Variants in GJA4 observed in about 807,000 individuals in gnomAD.
The protein encoded by GJA4 is gap junction protein alpha 4.
GJA4 carries 13 observed loss-of-function variants against 25.1 expected under a neutral mutation model. The ratio of observed to expected loss-of-function variants is 0.52; its 90% CI spans 0.34 to 0.82. The LOEUF (loss-of-function observed/expected upper bound fraction) is 0.82. Among genes scored for constraint, GJA4 ranks in the 40% least tolerant of loss-of-function variants. The probability of loss-of-function intolerance (pLI) is 0.02; values close to 1 mark genes in which losing one functional copy is unlikely to be tolerated. For synonymous variants in GJA4, 167 were observed against 193.9 expected (o/e 0.86, Z 1.15); for missense variants, 357 against 443.5 (o/e 0.80, Z 1.75).
In GJA4 at chr1:34,794,173, C is replaced by G. The variant is rs760644912; in HGVS notation, c.-17-24C>G. ...ACGAGAAGGATGCCATGCTGACACACTGACGTGCTCTGTCTCCTTGCAGAC... is the reference window on the plus strand; with the variant it reads ...ACGAGAAGGATGCCATGCTGACACAGTGACGTGCTCTGTCTCCTTGCAGAC... On this transcript the variant is annotated intron_variant, in intron 1 of 1. Coordinates refer to ENST00000342280, the MANE Select transcript of GJA4 (RefSeq NM_002060.3). This position sits in a 1 kb window ranked among gnomAD's most constrained non-coding sequence, Gnocchi z 7.8. 1.9e-6 allele frequency: 3 copies of G among 1,584,406 alleles called. No individual in the cohort carries two copies. The African/African-American group carries it at 4.0e-5, about 21-fold the overall frequency.
intron 1 of GJA4, among the ~76,000 whole-genome samples, chr1:34,793,936 G>A (rs1432001164): frequency 6.6e-6 from 1 of 152,196 alleles, no homozygotes; most frequent in African/African-American, 2.4e-5. Context: ...GGGGACAAGA[G>A]GGACATAGAT....
At chr1:34,793,818 C>A (rs1640227028) in intron 1 of GJA4, among the ~76,000 whole-genome samples, 1 of 152,160 alleles carries the variant, frequency 6.6e-6, no homozygotes. Context: ...AGGGCTTAGC[C>A]CAGCTGCACA....
In GJA4 at chr1:34,795,190, C is replaced by T. The variant is rs1487139476; in HGVS notation, c.977C>T (p.Ser326Phe). The T allele has an allele frequency of 2.5e-6, 4 of 1,611,916 alleles. No homozygotes were observed. Among genetic ancestry groups the T allele is most frequent in the Middle Eastern group, 3.3e-4 (2 of 6,072 alleles). Residue 326 changes from serine to phenylalanine, a missense_variant, in exon 2 of 2, where the codon TCT (serine) becomes TTT (phenylalanine). Physicochemically the swap from Ser to Phe is radical, Grantham distance 155 (BLOSUM62 -2). This residue lies in a region of GJA4 where 278 missense variants were observed against 298.1 expected (regional missense o/e 0.93). Transcript: ENST00000342280. Reference protein sequence around the residue: ...GQKPPSRPSSSASKKQYV With the variant: ...GQKPPSRPSSFASKKQYV ...AAACCCCCAAGTCGTCCCAGCAGCTCTGCTTCTAAGAAGCAGTATGTATAG... is the reference window on the plus strand; with the variant it reads ...AAACCCCCAAGTCGTCCCAGCAGCTTTGCTTCTAAGAAGCAGTATGTATAG...
intron 1 of GJA4, among the ~76,000 whole-genome samples, chr1:34,793,296 C>A (rs1640215005): frequency 6.6e-6 from 1 of 152,252 alleles, no homozygotes; most frequent in Non-Finnish European, 1.5e-5. Context: ...GTGGAGGAGA[C>A]TGAGGGGCCC....
rs764570800 is a variant in GJA4 at position 34,795,082 on chromosome 1, A to T, written c.869A>T (p.Asn290Ile). The T allele has an allele frequency of 1.9e-6, 3 of 1,613,822 alleles. No homozygotes were observed. The highest frequency in any genetic ancestry group is 2.5e-6 in the Non-Finnish European group (3 of 1,179,940). Residue 290 changes from asparagine (N) to isoleucine (I), a missense_variant, in exon 2 of 2, where the codon AAC (asparagine) becomes ATC (isoleucine). Physicochemically the swap from Asn to Ile is moderately radical, Grantham distance 149 (BLOSUM62 -3). This residue lies in a region of GJA4 where 278 missense variants were observed against 298.1 expected (regional missense o/e 0.93). Transcript: ENST00000342280. The part of the protein sequence containing the change: ...TYNGLSSSEQ[N>I]WANLTTEERL... ...AATGGGCTCTCATCCAGTGAGCAGAACTGGGCCAACCTGACCACAGAGGAG... is the reference window on the plus strand; with the variant it reads ...AATGGGCTCTCATCCAGTGAGCAGATCTGGGCCAACCTGACCACAGAGGAG...
rs1375058167 is a variant in GJA4, at chr1:34,794,491, T to A, written c.278T>A (p.Leu93Gln). ...GTCAGCACACCCACCCTGGTCTACCTGGGCCATGTCATTTACCTGTCTCGG... is the reference window on the plus strand; with the variant it reads ...GTCAGCACACCCACCCTGGTCTACCAGGGCCATGTCATTTACCTGTCTCGG... ...LFVSTPTLVYLGHVIYLSRRE... is the reference protein window; with the variant it reads ...LFVSTPTLVYQGHVIYLSRRE... The change falls in exon 2 of 2, where the codon CTG becomes CAG. Residue 93 changes from leucine to glutamine, a missense_variant. Leu to Gln is a moderately radical substitution (Grantham distance 113). Transcript: ENST00000342280. The surrounding 1 kb of genome is among the most constrained non-coding windows in gnomAD (Gnocchi z 7.8). 1 of 1,614,174 alleles carries A rather than the reference T, an allele frequency of 6.2e-7. No homozygotes were observed. The highest frequency in any genetic ancestry group is 1.1e-5 in the South Asian group (1 of 91,078).
Position 34,794,850 on chromosome 1 carries a change from A to ATCTTCG in GJA4, c.638_639insCTTCGT (p.Met213delinsIlePheVal). ...GGAGAAGACCATCTTCATCATCTTC[A>ATCTTCG]TGTTGGTGGTTGGACTCATCTCCCT... On this transcript the variant is annotated protein_altering_variant, in exon 2 of 2. Transcript: ENST00000342280. This position sits in a 1 kb window ranked among gnomAD's most constrained non-coding sequence, Gnocchi z 7.8. 1 of 1,613,902 alleles carries ATCTTCG rather than the reference A, an allele frequency of 6.2e-7. No individual in the cohort carries two copies. The highest frequency in any genetic ancestry group is 8.5e-7 in the Non-Finnish European group (1 of 1,179,968).
rs756684982 is a variant in GJA4, at chr1:34,794,940, C to G, written c.727C>G (p.Arg243Gly). 1.1e-5 allele frequency: 17 copies of G among 1,614,014 alleles called. No homozygotes were observed. The African/African-American group carries it at 2.1e-4, about 20-fold the overall frequency. The part of the protein sequence containing the change: ...CRCLSRGMRA[R>G]QGQDAPPTQG... ...CTGCCTCAGCCGGGGGATGAGGGCACGGCAAGGCCAAGACGCACCCCCGAC... is the reference window on the plus strand; with the variant it reads ...CTGCCTCAGCCGGGGGATGAGGGCAGGGCAAGGCCAAGACGCACCCCCGAC... The change falls in exon 2 of 2, where the codon CGG (arginine) becomes GGG (glycine). Residue 243 changes from arginine to glycine, a missense_variant. By Grantham distance (125) the Arg-to-Gly change is moderately radical. This residue lies in a region of GJA4 where 278 missense variants were observed against 298.1 expected (regional missense o/e 0.93). Transcript: ENST00000342280. This position sits in a 1 kb window ranked among gnomAD's most constrained non-coding sequence, Gnocchi z 7.8.
At position 34,794,006 on chromosome 1, in the gene GJA4, C is replaced by A; in HGVS notation, c.-17-191C>A. 1.7e-6 allele frequency: 1 copy of A among 595,874 alleles called. No individual in the cohort carries two copies. The highest frequency in any genetic ancestry group is 3.0e-6 in the Non-Finnish European group (1 of 335,358). The allele number at this position is 595,874 out of a possible 1,614,324, so 36.9% of individuals were successfully genotyped here. On this transcript the variant is annotated intron_variant, in intron 1 of 1. Transcript: ENST00000342280. The surrounding 1 kb of genome is among the most constrained non-coding windows in gnomAD (Gnocchi z 7.8). ...TGAGACCATACAAAGAGGTGGGCAGCCATCATCCAAAAATCTGGGTTGGGT... is the reference window on the plus strand; with the variant it reads ...TGAGACCATACAAAGAGGTGGGCAGACATCATCCAAAAATCTGGGTTGGGT...
rs1430379275 is a variant in GJA4 at position 34,794,681 on chromosome 1, C to T, written c.468C>T (p.Val156=). The change falls in exon 2 of 2, where the codon GTC becomes GTT. Residue 156 remains valine, a synonymous_variant. Coordinates refer to ENST00000342280, the MANE Select transcript of GJA4 (RefSeq NM_002060.3). This position sits in a 1 kb window ranked among gnomAD's most constrained non-coding sequence, Gnocchi z 7.8. ...RIRGALMGTY[V]ASVLCKSVLE... ...GCGGAGCACTGATGGGCACCTATGT[C>T]GCCAGTGTGCTCTGCAAGAGTGTGC... 4 of 1,611,500 alleles carry T rather than the reference C, an allele frequency of 2.5e-6. No individual in the cohort carries two copies. The highest frequency in any genetic ancestry group is 1.1e-5 in the South Asian group (1 of 91,088).
rs367766564 is a variant in GJA4 at position 34,794,992 on chromosome 1, C to T, written c.779C>T (p.Thr260Met). The change falls in exon 2 of 2, where the codon ACG becomes ATG. Residue 260 changes from threonine (T) to methionine (M), a missense_variant. By Grantham distance (81) the Thr-to-Met change is moderately conservative. This residue lies in a region of GJA4 where 278 missense variants were observed against 298.1 expected (regional missense o/e 0.93). Transcript: ENST00000342280. This position sits in a 1 kb window ranked among gnomAD's most constrained non-coding sequence, Gnocchi z 7.8. ...CAGGGCACCTCCTCAGACCCTTACA[C>T]GGACCAGGTCTTCTTCTACCTCCCC... ...PTQGTSSDPY[T>M]DQVFFYLPVG... 171 of 1,613,804 alleles carry T rather than the reference C, an allele frequency of 1.1e-4. No homozygotes were observed. The highest frequency in any genetic ancestry group is 8.5e-4 in the South Asian group (77 of 91,048).
chr1:34,793,140 C>T (rs542647448), intron 1 of GJA4, 72 bp downstream of exon 1: 10 of 250,502 alleles, frequency 4.0e-5, no homozygotes, highest in Non-Finnish European at 7.1e-5. Context: ...CTTGGGTCCT[C>T]CGATGCCGGG....
rs780799977 is a variant in GJA4 at position 34,795,210 on chromosome 1, G to A, written c.997G>A (p.Val333Ile). ...PSSSASKKQY[V>I] Reference sequence around the variant, plus strand: ...CAGCTCTGCTTCTAAGAAGCAGTATGTATAGAGGCCTGTGGCTTATGTCAC... The same window carrying A: ...CAGCTCTGCTTCTAAGAAGCAGTATATATAGAGGCCTGTGGCTTATGTCAC... Residue 333 changes from valine to isoleucine, a missense_variant, in exon 2 of 2, where the codon GTA becomes ATA. Around this residue, in one of 2 missense-constraint regions of GJA4, gnomAD observed 278 missense variants for 298.1 expected, o/e 0.93. Transcript: ENST00000342280. 3 of 1,602,170 alleles carry A rather than the reference G, an allele frequency of 1.9e-6. No homozygotes were observed. The East Asian group carries it at 6.7e-5, about 36-fold the overall frequency.
In GJA4 at chr1:34,794,813, C is replaced by G. The variant is rs897188831; in HGVS notation, c.600C>G (p.Val200=). The G allele has an allele frequency of 1.9e-5, 30 of 1,614,006 alleles. No homozygotes were observed. Among genetic ancestry groups the G allele is most frequent in the Non-Finnish European group, 2.4e-5 (28 of 1,180,026 alleles). Residue 200 remains valine (V), a synonymous_variant, in exon 2 of 2, where the codon GTC becomes GTG. Coordinates refer to ENST00000342280, the MANE Select transcript of GJA4 (RefSeq NM_002060.3). The surrounding 1 kb of genome is among the most constrained non-coding windows in gnomAD (Gnocchi z 7.8). ...APCPYLVDCF[V]SRPTEKTIFI... is the part of the protein sequence containing the mutation. Reference sequence around the variant, plus strand: ...GCCCCTACCTCGTGGACTGCTTTGTCTCTCGCCCCACGGAGAAGACCATCT... The same window carrying G: ...GCCCCTACCTCGTGGACTGCTTTGTGTCTCGCCCCACGGAGAAGACCATCT...
Position 34,794,757 on chromosome 1 carries a change from G to A in GJA4, c.544G>A (p.Glu182Lys). ...GTGGCGCCTGTACGGCTGGACCATGGAGCCCGTGTTTGTGTGCCAGCGAGC... is the reference window on the plus strand; with the variant it reads ...GTGGCGCCTGTACGGCTGGACCATGAAGCCCGTGTTTGTGTGCCAGCGAGC... ...GQWRLYGWTM[E>K]PVFVCQRAPC... is the part of the protein sequence containing the mutation. Residue 182 changes from glutamate to lysine, a missense_variant, in exon 2 of 2, where the codon GAG (glutamate) becomes AAG (lysine). Coordinates refer to ENST00000342280, the MANE Select transcript of GJA4 (RefSeq NM_002060.3). The surrounding 1 kb of genome is among the most constrained non-coding windows in gnomAD (Gnocchi z 7.8). 1 of 1,613,974 alleles carries A rather than the reference G, an allele frequency of 6.2e-7. No homozygotes were observed. The highest frequency in any genetic ancestry group is 8.5e-7 in the Non-Finnish European group (1 of 1,180,014).
chr1:34,793,893 C>T (rs1640228458), intron 1 of GJA4, among the ~76,000 whole-genome samples: 2 of 152,200 alleles, frequency 1.3e-5, no homozygotes, highest in South Asian at 4.1e-4. Flanking sequence ...ACCCAGATTT[C>T]CTTGGCCTGT....
At chr1:34,793,588 C>G (rs1321991613) in intron 1 of GJA4, among the ~76,000 whole-genome samples, 1 of 152,162 alleles carries the variant, frequency 6.6e-6, no homozygotes, top group Non-Finnish European at 1.5e-5. Flanking sequence ...TATTGCTGAC[C>G]GGTGGAGCTA....
rs751782959 is a variant in GJA4, at chr1:34,794,920, T to C, written c.707T>C (p.Leu236Pro). Residue 236 changes from leucine (L) to proline (P), a missense_variant, in exon 2 of 2, where the codon CTC becomes CCC. By Grantham distance (98) the Leu-to-Pro change is moderately conservative (BLOSUM62 -3). Around this residue, in one of 2 missense-constraint regions of GJA4, gnomAD observed 278 missense variants for 298.1 expected, o/e 0.93. Coordinates refer to ENST00000342280, the MANE Select transcript of GJA4 (RefSeq NM_002060.3). The surrounding 1 kb of genome is among the most constrained non-coding windows in gnomAD (Gnocchi z 7.8). The stretch of plus-strand genomic sequence containing the variant: ...TTGGTGCACCTGCTGTGTCGCTGCC[T>C]CAGCCGGGGGATGAGGGCACGGCAA... ...LELVHLLCRC[L>P]SRGMRARQGQ... is the part of the protein sequence containing the mutation. 2 of 1,614,152 alleles carry C rather than the reference T, an allele frequency of 1.2e-6. No homozygotes were observed. The highest frequency in any genetic ancestry group is 2.2e-5 in the South Asian group (2 of 91,080).
rs1214696728 is a variant in GJA4 at position 34,795,088 on chromosome 1, C to T, written c.875C>T (p.Ala292Val). 2.5e-6 allele frequency: 4 copies of T among 1,613,758 alleles called. No homozygotes were observed. In the African/African-American group the frequency reaches 4.0e-5, roughly 16 times the overall value. ...CTCTCATCCAGTGAGCAGAACTGGG[C>T]CAACCTGACCACAGAGGAGAGGCTG... ...NGLSSSEQNW[A>V]NLTTEERLAS... The change falls in exon 2 of 2, where the codon GCC (alanine) becomes GTC (valine). Residue 292 changes from alanine to valine, a missense_variant. Coordinates refer to ENST00000342280, the MANE Select transcript of GJA4 (RefSeq NM_002060.3).
Sources: allele counts gnomAD v4.1 joint callset (sites outside exome capture counted in the v4.1 genomes callset), GRCh38; gene constraint gnomAD v4.1.1; regional missense constraint gnomAD v4.1.1; non-coding constraint Gnocchi (gnomAD v3.1); transcripts MANE v1.5; gene names NCBI Gene and HGNC (gene_info 2026-07-23, HGNC 2026-07-21).